The following NDC1 variants were observed in gnomAD, a reference collection of about 807,000 sequenced individuals.
NDC1 encodes the protein NDC1 transmembrane nucleoporin, also known as nucleoporin NDC1.
In NDC1, 24 loss-of-function variants were observed where a neutral mutation model predicts 89.8. The observed-to-expected ratio is 0.27, with a 90% CI of 0.19 to 0.38. The LOEUF (loss-of-function observed/expected upper bound fraction) is 0.38. NDC1 is among the 10% of genes least tolerant of loss of function. The pLI, the probability that NDC1 is intolerant of heterozygous loss-of-function variation, is 1.00. For synonymous variants in NDC1, 296 were observed against 284.8 expected (o/e 1.04, Z -0.39); for missense variants, 728 against 797.6 (o/e 0.91, Z 1.05).
At chr1:53,796,514 A>G (rs1416651151) in intron 13 of NDC1, among the ~76,000 whole-genome samples, 175 bp downstream of exon 13, 1 of 151,934 alleles carries the variant, frequency 6.6e-6, no homozygotes, top group Non-Finnish European at 1.5e-5. Context: ...GTCATATGAA[A>G]TTACAATGTG....
intron 8 of NDC1, among the ~76,000 whole-genome samples, chr1:53,807,011 T>C (rs151098392): frequency 1.0e-3 from 158 of 151,734 alleles, no homozygotes; most frequent in African/African-American, 3.7e-3. Flanking sequence ...CTTTAAGAGG[T>C]CGAGGACAGA....
At chr1:53,814,448 C>T (rs919292720) in intron 6 of NDC1, among the ~76,000 whole-genome samples, 3 of 152,106 alleles carry the variant, frequency 2.0e-5, no homozygotes, top group African/African-American at 7.2e-5. Context: ...ACAGCAAAGG[C>T]GGTGCTAAGA....
rs1232469094 is a variant in NDC1, at chr1:53,772,376, C to T, written c.1914G>A (p.Leu638=). 6.2e-7 allele frequency: 1 copy of T among 1,613,906 alleles called. No homozygotes were observed. The highest frequency in any genetic ancestry group is 8.5e-7 in the Non-Finnish European group (1 of 1,179,864). ...TAGTTATTCGATAGATGGCAGTTTT[C>T]AGTGATGCTCTGAATGCAAATCTTA... ...KTLRFAFRAS[L]KTAIYRITTT... Residue 638 remains leucine (L), a synonymous_variant, in exon 17 of 18, where the codon CTG becomes CTA. Transcript: ENST00000371429.
chr1:53,803,391 A>G (rs1456781634), intron 10 of NDC1, among the ~76,000 whole-genome samples: 1 of 151,570 alleles, frequency 6.6e-6, no homozygotes, highest in Non-Finnish European at 1.5e-5. Context: ...CTTAAGCTGT[A>G]TTTTTCTGCC....
At chr1:53,771,377 T>C (rs868804301) in intron 17 of NDC1, among the ~76,000 whole-genome samples, 9 of 152,232 alleles carry the variant, frequency 5.9e-5, no homozygotes, top group Non-Finnish European at 1.0e-4. Flanking sequence ...AACATCTCTA[T>C]GCCTCAGTTT....
At chr1:53,830,896 T>A (rs373918899) in intron 3 of NDC1, among the ~76,000 whole-genome samples, 7 of 149,934 alleles carry the variant, frequency 4.7e-5, no homozygotes, top group African/African-American at 1.7e-4. Context: ...CTGAGTATTC[T>A]ATGATCCTAC....
At chr1:53,811,796 A>G (rs1177807905) in intron 6 of NDC1, among the ~76,000 whole-genome samples, 2 of 152,082 alleles carry the variant, frequency 1.3e-5, no homozygotes, top group Non-Finnish European at 2.9e-5. Context: ...CAGGAGGCCC[A>G]ATCAGCACAA....
intron 16 of NDC1, among the ~76,000 whole-genome samples, chr1:53,776,177 G>A (rs1215307531): frequency 6.6e-6 from 1 of 152,004 alleles, no homozygotes; most frequent in African/African-American, 2.4e-5. Context: ...GGCTGGTCTC[G>A]AACTCCTGAC....
chr1:53,805,967 G>A (rs568946141), intron 9 of NDC1, among the ~76,000 whole-genome samples: 150 of 152,246 alleles, frequency 9.9e-4, no homozygotes, highest in African/African-American at 3.5e-3. Flanking sequence ...CCAGCTACAC[G>A]GGAGGCTGAG....
At chr1:53,814,770 T>C (rs1391162099) in intron 6 of NDC1, among the ~76,000 whole-genome samples, 1 of 152,108 alleles carries the variant, frequency 6.6e-6, no homozygotes, top group Non-Finnish European at 1.5e-5. Flanking sequence ...AAACAGGAGA[T>C]ATTACAACTG....
chr1:53,796,720 A>C lies in NDC1; in HGVS notation c.1553T>G (p.Ile518Ser). 1 of 1,608,780 alleles carries C rather than the reference A, an allele frequency of 6.2e-7. No homozygotes were observed. The highest frequency in any genetic ancestry group is 1.1e-5 in the South Asian group (1 of 90,236). ...EGKTMRQPSVIYSWIQNKREQ... is the reference protein window; with the variant it reads ...EGKTMRQPSVSYSWIQNKREQ... ...ACGTTTATTCTGAATCCATGAATAA[A>C]TCACACTGGGTTGTCTCATTGTCTT... The change falls in exon 13 of 18, where the codon ATT (isoleucine) becomes AGT (serine). Residue 518 changes from isoleucine (I) to serine (S), a missense_variant. Coordinates refer to ENST00000371429, the MANE Select transcript of NDC1 (RefSeq NM_018087.5).
chr1:53,775,620 T>A (rs1647156404), intron 16 of NDC1, among the ~76,000 whole-genome samples: 1 of 152,190 alleles, frequency 6.6e-6, no homozygotes, highest in Non-Finnish European at 1.5e-5. Flanking sequence ...CCAATGGCTT[T>A]TTTTCTTTGA....
At chr1:53,803,826 C>T in intron 10 of NDC1, 102 bp downstream of exon 10, 2 of 843,016 alleles carry the variant, frequency 2.4e-6, no homozygotes, top group Non-Finnish European at 4.0e-6. Context: ...CTGCCTCGGC[C>T]TCCCAAAGTG....
At chr1:53,810,571 C>G (rs1436143305) in intron 6 of NDC1, among the ~76,000 whole-genome samples, 1 of 152,098 alleles carries the variant, frequency 6.6e-6, no homozygotes, top group Non-Finnish European at 1.5e-5. Context: ...ATAAACAACT[C>G]TAGAGGAACA....
At chr1:53,820,701 CTTTT>C (rs927514677) in intron 5 of NDC1, among the ~76,000 whole-genome samples, 10 of 74,876 alleles carry the variant, frequency 1.3e-4, no homozygotes, top group African/African-American at 2.2e-4. Context: ...ACTTCTCTCT[CTTTT>C]TTTTTTTTTT....
At chr1:53,784,248 C>CAT (rs1357201255) in intron 16 of NDC1, among the ~76,000 whole-genome samples, 1 of 151,840 alleles carries the variant, frequency 6.6e-6, no homozygotes, top group African/African-American at 2.4e-5. Flanking sequence ...CACACACACA[C>CAT]ACGCACACAC....
At chr1:53,791,946 C>CTT (rs776207954) in intron 14 of NDC1, among the ~76,000 whole-genome samples, 4 of 143,972 alleles carry the variant, frequency 2.8e-5, no homozygotes, top group African/African-American at 5.0e-5. Flanking sequence ...TCCCCTTCTT[C>CTT]TTTTTTTTTT....
At chr1:53,786,161 G>A (rs1647300395) in intron 16 of NDC1, among the ~76,000 whole-genome samples, 1 of 152,082 alleles carries the variant, frequency 6.6e-6, no homozygotes, top group African/African-American at 2.4e-5. Flanking sequence ...CCTGAGCTCA[G>A]GTGATCTGCT....
At chr1:53,837,285 T>G (rs1214421705) in intron 1 of NDC1, among the ~76,000 whole-genome samples, 1 of 152,062 alleles carries the variant, frequency 6.6e-6, no homozygotes, top group Non-Finnish European at 1.5e-5. Context: ...TTAAAAAAAT[T>G]TTAGAGGCCA....
Sources: gnomAD v4.1 joint callset for allele counts (sites outside exome capture counted in the v4.1 genomes callset) on GRCh38, gnomAD v4.1.1 for gene constraint, MANE v1.5 for transcripts, NCBI Gene and HGNC (gene_info 2026-07-23, HGNC 2026-07-21) for gene names.